The following MVP variants were observed in gnomAD, a reference collection of about 807,000 sequenced individuals.
MVP encodes the protein major vault protein.
MVP carries 62 observed loss-of-function variants against 83.5 expected under a neutral mutation model. The observed-to-expected ratio is 0.74, with a 90% confidence interval of 0.61 to 0.92. MVP has a LOEUF of 0.92. Among genes scored for constraint, MVP ranks in the 40% least tolerant of loss-of-function variants. The probability of loss-of-function intolerance (pLI) is 0.00; values close to 1 mark genes in which losing one functional copy is unlikely to be tolerated. For missense variants in MVP, 1,000 were observed against 1,203.4 expected, an observed-to-expected ratio of 0.83 and a Z score of 2.50; for synonymous variants, 505 against 504.1, an observed-to-expected ratio of 1.00 and a Z score of -0.02.
chr16:29,838,896 AAAG>A (rs1254382046), intron 7 of MVP, among the ~76,000 whole-genome samples: 1 of 152,166 alleles, frequency 6.6e-6, no homozygotes, highest in East Asian at 1.9e-4. Flanking sequence ...ATGCTAAGTG[AAAG>A]AAGCCAGCTG....
At chr16:29,839,053 C>A (rs763539582) in intron 7 of MVP, among the ~76,000 whole-genome samples, 2 of 151,912 alleles carry the variant, frequency 1.3e-5, no homozygotes, top group African/African-American at 4.8e-5. Context: ...AGCATGATGG[C>A]GGGTGCCTGT....
In MVP at chr16:29,824,234, A is replaced by C. The variant is rs907948554; in HGVS notation, c.-36+3724A>C. Among the ~76,000 whole-genome samples the C allele has an allele frequency of 1.1e-4, 16 of 148,514 alleles. No homozygotes were observed. In the East Asian group the frequency reaches 2.6e-3, roughly 24 times the overall value. ...CTCAAAAAAAAAAAAAAAAAAAAAA[A>C]AAAAAAACAGATTTCCAGATGACCA... is the stretch of plus-strand genomic sequence containing the variant. On this transcript the variant is annotated intron_variant, in intron 1 of 14. Transcript: ENST00000357402.
intron 1 of MVP, among the ~76,000 whole-genome samples, chr16:29,824,448 G>A (rs1338967528): frequency 6.6e-6 from 1 of 152,056 alleles, no homozygotes; most frequent in African/African-American, 2.4e-5. Context: ...AGGCAGTGTG[G>A]TCACTTGGTC....
At chr16:29,823,687 A>C (rs1033682370) in intron 1 of MVP, among the ~76,000 whole-genome samples, 18 of 151,866 alleles carry the variant, frequency 1.2e-4, no homozygotes, top group African/African-American at 4.1e-4. Flanking sequence ...CCCCATCTCT[A>C]CTAAAAATAC....
intron 10 of MVP, among the ~76,000 whole-genome samples, chr16:29,843,432 C>T (rs1453919682): frequency 6.7e-6 from 1 of 148,534 alleles, no homozygotes; most frequent in Non-Finnish European, 1.5e-5. Context: ...GAATTTGAGG[C>T]TGCAGCAAGC....
At chr16:29,844,463 C>T in intron 10 of MVP, 30 bp from the exon 11 acceptor site, 1 of 1,518,974 alleles carries the variant, frequency 6.6e-7, no homozygotes, top group South Asian at 1.3e-5. Flanking sequence ...GTGAAAGCAG[C>T]TTCCCCATTC....
intron 1 of MVP, among the ~76,000 whole-genome samples, chr16:29,826,660 C>G (rs148143046): frequency 1.3e-5 from 2 of 148,554 alleles, no homozygotes; most frequent in Admixed American, 1.3e-4. Context: ...TGGTGGCTCA[C>G]GCCTGTAATC....
intron 3 of MVP, among the ~76,000 whole-genome samples, chr16:29,832,636 T>A (rs2067453471): frequency 7.4e-6 from 1 of 135,830 alleles, no homozygotes. Flanking sequence ...CCCTGTTGCC[T>A]AGACGAGAGT....
chr16:29,833,917 A>G lies in MVP; in HGVS notation c.446-18A>G, dbSNP rs1369942204. The G allele has an allele frequency of 1.9e-6, 3 of 1,614,022 alleles. No homozygotes were observed. The highest frequency in any genetic ancestry group is 1.3e-5 in the African/African-American group (1 of 75,006). The stretch of plus-strand genomic sequence containing the variant: ...GTCATAGCCCTGATACCTTCTGACC[A>G]TCACCTTCCCTCCCCAGGCACGTAC... On this transcript the variant is annotated intron_variant, in intron 4 of 14. Coordinates refer to ENST00000357402, the MANE Select transcript of MVP (RefSeq NM_005115.5).
intron 6 of MVP, among the ~76,000 whole-genome samples, chr16:29,836,097 C>A (rs993266350): frequency 6.6e-6 from 1 of 151,658 alleles, no homozygotes; most frequent in Admixed American, 6.6e-5. Flanking sequence ...GAGAACTCAT[C>A]GCTACAAAAA....
intron 1 of MVP, among the ~76,000 whole-genome samples, chr16:29,821,697 C>T (rs188964304): frequency 6.6e-6 from 1 of 152,326 alleles, no homozygotes; most frequent in Non-Finnish European, 1.5e-5. Flanking sequence ...CGGCTCCGTC[C>T]TTTGATAACT....
chr16:29,826,925 CAAAA>C (rs779179408), intron 1 of MVP, among the ~76,000 whole-genome samples: 5,002 of 70,828 alleles, frequency 0.071, 275 homozygotes, highest in African/African-American at 0.2. Flanking sequence ...GAGTCCATCT[CAAAA>C]AAAAAAAAAA....
chr16:29,830,558 T>C lies in MVP; in HGVS notation c.9T>C (p.Thr3=), dbSNP rs1471876925. 1 of 1,613,946 alleles carries C rather than the reference T, an allele frequency of 6.2e-7. No individual in the cohort carries two copies. Among genetic ancestry groups the C allele is most frequent in the South Asian group, 1.1e-5 (1 of 91,076 alleles). MA[T]EEFIIRIPPY... ...TGGGCTTAGGAGTCACCATGGCAACTGAAGAGTTCATCATCCGCATCCCCC... is the reference window on the plus strand; with the variant it reads ...TGGGCTTAGGAGTCACCATGGCAACCGAAGAGTTCATCATCCGCATCCCCC... Residue 3 remains threonine, a synonymous_variant, in exon 2 of 15, where the codon ACT becomes ACC. Coordinates refer to ENST00000357402, the MANE Select transcript of MVP (RefSeq NM_005115.5).
At chr16:29,825,253 C>T (rs1270512352) in intron 1 of MVP, among the ~76,000 whole-genome samples, 1 of 152,168 alleles carries the variant, frequency 6.6e-6, no homozygotes, top group African/African-American at 2.4e-5. Flanking sequence ...GGGCAGGTCT[C>T]AGAAGCAGAG....
chr16:29,844,279 C>T (rs960868149), intron 10 of MVP, among the ~76,000 whole-genome samples: 1 of 152,168 alleles, frequency 6.6e-6, no homozygotes, highest in African/African-American at 2.4e-5. Context: ...CCTGCCCGGC[C>T]ACACAGGATG....
intron 1 of MVP, among the ~76,000 whole-genome samples, chr16:29,823,126 T>C (rs1358724442): frequency 3.2e-5 from 4 of 126,250 alleles, no homozygotes; most frequent in East Asian, 4.0e-4. Context: ...TCTTTTCTTT[T>C]TTTTTTTTTT....
intron 6 of MVP, 93 bp downstream of exon 6, chr16:29,835,891 G>C: frequency 9.7e-7 from 1 of 1,035,200 alleles, no homozygotes; most frequent in Non-Finnish European, 1.5e-6. Flanking sequence ...GAGAGTAAAA[G>C]AGAAGCAATA....
intron 5 of MVP, 79 bp from the exon 6 acceptor site, chr16:29,835,625 T>C (rs1039759097): frequency 1.5e-5 from 18 of 1,165,458 alleles, no homozygotes; most frequent in Non-Finnish European, 2.3e-5. Context: ...GTCAATCCCC[T>C]GTGTCTAAGC....
intron 10 of MVP, 27 bp downstream of exon 10, chr16:29,842,139 T>C: frequency 6.4e-7 from 1 of 1,567,320 alleles, no homozygotes; most frequent in Non-Finnish European, 8.6e-7. Flanking sequence ...GGCATGGGGG[T>C]GCATTCCTGG....
Sources: allele counts gnomAD v4.1 joint callset (sites outside exome capture counted in the v4.1 genomes callset), GRCh38; gene constraint gnomAD v4.1.1; transcripts MANE v1.5; gene names NCBI Gene and HGNC (gene_info 2026-07-23, HGNC 2026-07-21).